The following PDE4D variants were observed in gnomAD, a reference collection of about 807,000 sequenced individuals.
The protein encoded by PDE4D is phosphodiesterase 4D.
In PDE4D, 24 loss-of-function variants were observed where a neutral mutation model predicts 87.4. The ratio of observed to expected loss-of-function variants is 0.27; its 90% CI spans 0.20 to 0.39. The LOEUF (loss-of-function observed/expected upper bound fraction) is 0.39, where lower values mean the gene tolerates loss of function less well. Among genes scored for constraint, PDE4D ranks in the 10% least tolerant of loss-of-function variants. PDE4D has a pLI of 1.00. For missense variants in PDE4D, 714 were observed against 1,041.0 expected, an observed-to-expected ratio of 0.69 and a Z score of 4.32; for synonymous variants, 384 against 383.2, an observed-to-expected ratio of 1.00 and a Z score of -0.02.
At chr5:59,088,616 A>G (rs945921416) in intron 5 of PDE4D, among the ~76,000 whole-genome samples, 1 of 152,216 alleles carries the variant, frequency 6.6e-6, no homozygotes. Flanking sequence ...AATACTATGA[A>G]GCCATAAAAA....
At chr5:59,535,940 A>G (rs968334807) in intron 1 of PDE4D, among the ~76,000 whole-genome samples, 3 of 152,212 alleles carry the variant, frequency 2.0e-5, no homozygotes, top group African/African-American at 7.2e-5. Context: ...GAAATGCCTG[A>G]AAAAGATCAG....
intron 5 of PDE4D, among the ~76,000 whole-genome samples, chr5:59,076,727 T>C (rs1765737566): frequency 6.6e-6 from 1 of 152,154 alleles, no homozygotes; most frequent in Admixed American, 6.6e-5. Context: ...ATAACTCAGA[T>C]TTCAGGATAA....
intron 1 of PDE4D, among the ~76,000 whole-genome samples, chr5:59,221,797 TG>T (rs1241368646): frequency 2.0e-5 from 3 of 152,188 alleles, no homozygotes; most frequent in African/African-American, 7.2e-5. Context: ...GAAGGGTCAG[TG>T]GGTCTGCAAA....
chr5:59,139,298 C>T (rs1777560782), intron 5 of PDE4D, among the ~76,000 whole-genome samples: 3 of 152,182 alleles, frequency 2.0e-5, no homozygotes, highest in African/African-American at 7.2e-5. Flanking sequence ...GTTTGTTACT[C>T]CATTATGCAG....
chr5:59,053,962 A>G (rs1186681950), intron 5 of PDE4D, among the ~76,000 whole-genome samples: 1 of 151,974 alleles, frequency 6.6e-6, no homozygotes, highest in Non-Finnish European at 1.5e-5. Context: ...ACTATTCTCA[A>G]TTCATCCACT....
At chr5:59,525,488 A>T (rs558411198) in intron 1 of PDE4D, among the ~76,000 whole-genome samples, 1 of 152,332 alleles carries the variant, frequency 6.6e-6, no homozygotes, top group South Asian at 2.1e-4. Context: ...CATAGACAGA[A>T]GGGACTTGCC....
intron 1 of PDE4D, among the ~76,000 whole-genome samples, chr5:60,324,176 G>C (rs1756565625): frequency 2.6e-5 from 4 of 152,168 alleles, no homozygotes; most frequent in South Asian, 4.1e-4. Context: ...TTTGTTGGGT[G>C]AATGAACAAA....
chr5:59,687,556 C>T (rs1375261547), intron 1 of PDE4D, among the ~76,000 whole-genome samples: 2 of 152,082 alleles, frequency 1.3e-5, no homozygotes, highest in South Asian at 2.1e-4. Flanking sequence ...CCTAGAAGAG[C>T]TCCTGAAGGA....
chr5:59,163,435 C>T (rs1178698202), intron 5 of PDE4D, among the ~76,000 whole-genome samples: 1 of 152,022 alleles, frequency 6.6e-6, no homozygotes, highest in Non-Finnish European at 1.5e-5. Flanking sequence ...CCACGCCTGG[C>T]TAATTTTGTA....
At position 60,376,631 on chromosome 5, in the gene PDE4D, T is replaced by G. The variant is rs1053333615; in HGVS notation, c.-90+111311A>C. 1.4e-4 allele frequency among the ~76,000 whole-genome samples: 21 copies of G among 152,336 alleles called. No individual in the cohort carries two copies. The East Asian group carries it at 3.9e-3, about 28-fold the overall frequency. Reference sequence around the variant, plus strand: ...TAAAGTCAAGACACTTGCCTGTGGTTGAATAGGCTCTGGTGATGTGATCCT... The same window carrying G: ...TAAAGTCAAGACACTTGCCTGTGGTGGAATAGGCTCTGGTGATGTGATCCT... On this transcript the variant is annotated intron_variant, in intron 1 of 16. Transcript: ENST00000502484.
intron 1 of PDE4D, among the ~76,000 whole-genome samples, chr5:59,397,991 T>A (rs1394107235): frequency 8.3e-6 from 1 of 120,808 alleles, no homozygotes; most frequent in Non-Finnish European, 1.8e-5. Flanking sequence ...AAGAAATGGA[T>A]AAATTCCTTG....
intron 5 of PDE4D, among the ~76,000 whole-genome samples, chr5:59,149,610 T>A (rs1779161999): frequency 6.6e-6 from 1 of 151,926 alleles, no homozygotes; most frequent in Non-Finnish European, 1.5e-5. Context: ...AAACAGTCCT[T>A]AAGATTTTAG....
chr5:59,596,868 C>A (rs1826759355), intron 1 of PDE4D, among the ~76,000 whole-genome samples: 1 of 151,972 alleles, frequency 6.6e-6, no homozygotes, highest in African/African-American at 2.4e-5. Context: ...GGGGTTGAAC[C>A]AAAATGTCCT....
intron 1 of PDE4D, among the ~76,000 whole-genome samples, chr5:59,228,830 G>T (rs1020579661): frequency 6.6e-6 from 1 of 151,990 alleles, no homozygotes; most frequent in Non-Finnish European, 1.5e-5. Context: ...TCAGCCTCTT[G>T]GTCCCTAGCT....
In PDE4D at chr5:58,991,967, C is replaced by G. The variant is rs370618257; in HGVS notation, c.1053G>C (p.Gln351His). 6.3e-7 allele frequency: 1 copy of G among 1,593,078 alleles called. No individual in the cohort carries two copies. The highest frequency in any genetic ancestry group is 8.5e-7 in the Non-Finnish European group (1 of 1,170,130). ...QHEVEIPSPT[Q>H]KEKEKKKRPM... ...GTCTTTTCTTTTTCTCCTTTTCCTT[C>G]TGAGTTGGAGAAGGAATTTCCACTT... The change falls in exon 8 of 15, where the codon CAG (glutamine) becomes CAC (histidine). Residue 351 changes from glutamine (Q) to histidine (H), a missense_variant. Coordinates refer to ENST00000340635, the MANE Select transcript of PDE4D (RefSeq NM_001104631.2).
At chr5:59,660,489 T>A (rs2150283283) in intron 1 of PDE4D, among the ~76,000 whole-genome samples, 1 of 152,312 alleles carries the variant, frequency 6.6e-6, no homozygotes, top group South Asian at 2.1e-4. Context: ...ATTTCTTCTT[T>A]TTGAAAGTAA....
intron 2 of PDE4D, among the ~76,000 whole-genome samples, chr5:60,063,313 G>T (rs995269203): frequency 6.6e-6 from 1 of 152,090 alleles, no homozygotes; most frequent in South Asian, 2.1e-4. Context: ...TATTTATTGA[G>T]CAAATGCTTT....
chr5:59,702,192 G>A (rs939795826), intron 1 of PDE4D, among the ~76,000 whole-genome samples: 1 of 151,964 alleles, frequency 6.6e-6, no homozygotes, highest in African/African-American at 2.4e-5. Flanking sequence ...GGCACAATCT[G>A]GGCTCACTGC....
intron 1 of PDE4D, among the ~76,000 whole-genome samples, chr5:60,255,449 T>C (rs937175862): frequency 2.0e-5 from 3 of 151,886 alleles, no homozygotes; most frequent in Non-Finnish European, 4.4e-5. Flanking sequence ...ACTCATTTAT[T>C]ATATCCTAAA....
Sources: gnomAD v4.1 joint callset for allele counts (sites outside exome capture counted in the v4.1 genomes callset) on GRCh38, gnomAD v4.1.1 for gene constraint, MANE v1.5 for transcripts, NCBI Gene and HGNC (gene_info 2026-07-23, HGNC 2026-07-21) for gene names.